The following WDR27 variants were observed in gnomAD, a reference collection of about 807,000 sequenced individuals.
The protein encoded by WDR27 is WD repeat-containing protein 27.
A neutral mutation model predicts 114.4 loss-of-function variants in WDR27; 100 were observed. That is an observed-to-expected ratio of 0.87 (90% CI 0.74 to 1.03). The LOEUF (loss-of-function observed/expected upper bound fraction) is 1.03. WDR27 is among the 50% of genes least tolerant of loss of function. The probability of loss-of-function intolerance (pLI) is 0.00; values close to 1 mark genes in which losing one functional copy is unlikely to be tolerated. For synonymous variants in WDR27, 449 were observed against 423.1 expected (o/e 1.06, Z -0.75); for missense variants, 1,129 against 1,092.9 (o/e 1.03, Z -0.47).
intron 22 of WDR27, among the ~76,000 whole-genome samples, chr6:169,604,284 C>A (rs1808657053): frequency 6.6e-6 from 1 of 152,056 alleles, no homozygotes; most frequent in Admixed American, 6.5e-5. Flanking sequence ...ACAACCAATA[C>A]CACAGGAATG....
At chr6:169,582,262 A>G (rs1803608274) in intron 24 of WDR27, among the ~76,000 whole-genome samples, 1 of 152,212 alleles carries the variant, frequency 6.6e-6, no homozygotes, top group East Asian at 1.9e-4. Flanking sequence ...GGTGTGAGCC[A>G]CTGCGCCTGG....
At chr6:169,635,906 A>G (rs1230109251) in intron 19 of WDR27, among the ~76,000 whole-genome samples, 2 of 152,258 alleles carry the variant, frequency 1.3e-5, no homozygotes, top group Non-Finnish European at 2.9e-5. Context: ...ACTGGGAGAT[A>G]GGTTCCTAAT....
chr6:169,574,511 A>G (rs145106215), intron 24 of WDR27, among the ~76,000 whole-genome samples: 1 of 152,338 alleles, frequency 6.6e-6, no homozygotes, highest in East Asian at 1.9e-4. Context: ...CTGAAACAAG[A>G]TCGGTGAGTG....
At chr6:169,660,562 G>T in intron 10 of WDR27, 101 bp downstream of exon 10, 1 of 946,334 alleles carries the variant, frequency 1.1e-6, no homozygotes, top group Non-Finnish European at 1.7e-6. Context: ...CTCATCCTCA[G>T]ATTCACACGG....
intron 25 of WDR27, among the ~76,000 whole-genome samples, chr6:169,530,688 G>A (rs1795480871): frequency 6.6e-6 from 1 of 152,170 alleles, no homozygotes; most frequent in African/African-American, 2.4e-5. Flanking sequence ...CCCAGCAGCA[G>A]CTCAGCCTTC....
chr6:169,538,799 G>A (rs1471601174), intron 25 of WDR27, among the ~76,000 whole-genome samples: 1 of 146,596 alleles, frequency 6.8e-6, no homozygotes. Context: ...GCAGTAATAT[G>A]AAGATTTTTT....
intron 4 of WDR27, among the ~76,000 whole-genome samples, 161 bp from the exon 5 acceptor site, chr6:169,668,346 C>T (rs563871096): frequency 6.6e-6 from 1 of 152,238 alleles, no homozygotes; most frequent in East Asian, 1.9e-4. Flanking sequence ...TAACCCTGAG[C>T]GAATTAGGAA....
At chr6:169,678,313 G>A (rs554614917) in intron 2 of WDR27, among the ~76,000 whole-genome samples, 4 of 152,360 alleles carry the variant, frequency 2.6e-5, no homozygotes, top group Admixed American at 2.6e-4. Flanking sequence ...GTGGGACACA[G>A]AGTCAATAGA....
intron 25 of WDR27, among the ~76,000 whole-genome samples, chr6:169,523,274 G>C (rs775157957): frequency 6.6e-6 from 1 of 152,018 alleles, no homozygotes; most frequent in Admixed American, 6.5e-5. Context: ...CCAGTAATGA[G>C]TAATGAGATC....
chr6:169,670,265 G>T, intron 4 of WDR27: 1 of 227,726 alleles, frequency 4.4e-6, no homozygotes, highest in Non-Finnish European at 8.5e-6. Flanking sequence ...TGCTAGGAAG[G>T]ATGCCTACAA....
intron 22 of WDR27, among the ~76,000 whole-genome samples, chr6:169,609,383 A>G (rs1809999373): frequency 6.6e-6 from 1 of 152,222 alleles, no homozygotes; most frequent in African/African-American, 2.4e-5. Flanking sequence ...GTGGGCATCC[A>G]GGTGCTTCCA....
intron 25 of WDR27, among the ~76,000 whole-genome samples, chr6:169,570,954 G>C (rs758813501): frequency 6.6e-6 from 1 of 152,178 alleles, no homozygotes; most frequent in African/African-American, 2.4e-5. Context: ...TTGCCCTCTC[G>C]GCCAGGCCCA....
chr6:169,427,821 A>C, the WDR27 span, among the ~76,000 whole-genome samples: 53 of 152,058 alleles, frequency 3.5e-4, 1 homozygote, highest in Middle Eastern at 3.4e-3. Flanking sequence ...AAAAAAAAAA[A>C]AAAAACCATT....
chr6:169,437,033 A>G, the WDR27 span, among the ~76,000 whole-genome samples: 1 of 152,204 alleles, frequency 6.6e-6, no homozygotes, highest in Non-Finnish European at 1.5e-5. Context: ...TGTATATGCA[A>G]AAGTAATGTG....
intron 24 of WDR27, among the ~76,000 whole-genome samples, chr6:169,575,352 C>T (rs1802117915): frequency 7.4e-6 from 1 of 134,590 alleles, no homozygotes; most frequent in Non-Finnish European, 1.6e-5. Flanking sequence ...CCATCCCTCC[C>T]TCCCTCTCTC....
intron 21 of WDR27, among the ~76,000 whole-genome samples, chr6:169,625,776 G>A (rs1814658664): frequency 6.6e-6 from 1 of 152,184 alleles, no homozygotes; most frequent in Admixed American, 6.5e-5. Flanking sequence ...CTCTGGGGGG[G>A]ATGAGGATGC....
intron 25 of WDR27, among the ~76,000 whole-genome samples, chr6:169,531,661 T>G (rs1406485685): frequency 6.6e-6 from 1 of 151,936 alleles, no homozygotes; most frequent in African/African-American, 2.4e-5. Flanking sequence ...GTTTGTTTTT[T>G]TTTTTTTTTT....
In WDR27 at chr6:169,618,272, T is replaced by C. The variant is rs115949042; in HGVS notation, c.2224-4616A>G. On this transcript the variant is annotated intron_variant, in intron 21 of 25. Transcript: ENST00000448612. ...TTTACACATTGTTTTTAATTAAAAT[T>C]AGCTGTCTAGTATTATGTATTTATA... Among the ~76,000 whole-genome samples the C allele has an allele frequency of 9.3e-3, 1,423 of 152,308 alleles. 23 individuals carry two copies. The highest frequency in any genetic ancestry group is 0.032 in the African/African-American group (1,340 of 41,574).
chr6:169,432,298 G>C, the WDR27 span, among the ~76,000 whole-genome samples: 1 of 152,160 alleles, frequency 6.6e-6, no homozygotes, highest in African/African-American at 2.4e-5. Context: ...ACCTAATTCA[G>C]ACACATTTTC....
Sources: allele counts gnomAD v4.1 joint callset (sites outside exome capture counted in the v4.1 genomes callset), GRCh38; gene constraint gnomAD v4.1.1; transcripts MANE v1.5; gene names NCBI Gene and HGNC (gene_info 2026-07-23, HGNC 2026-07-21).